KRAS: variants seen among roughly 807,000 people sequenced by gnomAD.
KRAS encodes GTPase KRas.
In KRAS, 1 loss-of-function variant was observed where a neutral mutation model predicts 21.0. The observed-to-expected ratio is 0.05, with a 90% CI of 0.02 to 0.23. KRAS has a LOEUF of 0.23. Ranked by LOEUF, KRAS falls within the 10% of genes least tolerant of loss-of-function variation. The pLI, the probability that KRAS is intolerant of heterozygous loss-of-function variation, is 1.00. For missense variants in KRAS, 107 were observed against 221.8 expected, an observed-to-expected ratio of 0.48 and a Z score of 3.29; for synonymous variants, 67 against 72.5, an observed-to-expected ratio of 0.92 and a Z score of 0.39.
intron 4 of KRAS, among the ~76,000 whole-genome samples, chr12:25,212,992 G>A (rs1356775649): frequency 1.3e-5 from 2 of 152,014 alleles, no homozygotes; most frequent in Non-Finnish European, 2.9e-5. Flanking sequence ...TCAAACTCCT[G>A]GGGTCAGGCA....
chr12:25,249,591 C>CAAAAAAAAAAAAA (rs71065929), intron 1 of KRAS, among the ~76,000 whole-genome samples: 32,248 of 60,206 alleles, frequency 0.54, 13,034 homozygotes, highest in East Asian at 0.91. Context: ...GACTGTGTCT[C>CAAAAAAAAAAAAA]AAAAAAAAAA....
rs1475947635 is a variant in KRAS at position 25,205,278 on chromosome 12, A to C, written c.*4517T>G. On this transcript the variant is annotated 3_prime_UTR_variant, in exon 5 of 5. Transcript: ENST00000311936. ...TAACTATTTTTATTACATTACAATA[A>C]TTAGGAGTAGTACAGTTCATGACAA... 2 of 215,034 alleles carry C rather than the reference A, an allele frequency of 9.3e-6. No individual in the cohort carries two copies. Among genetic ancestry groups the C allele is most frequent in the Non-Finnish European group, 1.9e-5 (2 of 106,460 alleles). 13.3% of individuals were successfully genotyped at this position (215,034 alleles called of 1,614,324 possible). A position where few individuals can be genotyped will look rare whatever the true frequency, so the allele number is the denominator to read the frequency against.
chr12:25,226,701 A>ATTG (rs1472956257), intron 3 of KRAS, among the ~76,000 whole-genome samples: 5 of 152,220 alleles, frequency 3.3e-5, no homozygotes, highest in African/African-American at 1.2e-4. Flanking sequence ...AATATAAAAT[A>ATTG]GTATAATAAT....
chr12:25,239,769 A>G (rs1592818863), intron 2 of KRAS, among the ~76,000 whole-genome samples: 4 of 152,252 alleles, frequency 2.6e-5, no homozygotes, highest in Admixed American at 2.6e-4. Flanking sequence ...CCTGGCCAAC[A>G]TGGTGAAACC....
intron 1 of KRAS, among the ~76,000 whole-genome samples, chr12:25,245,842 C>T (rs1951672357): frequency 6.6e-6 from 1 of 152,096 alleles, no homozygotes; most frequent in African/African-American, 2.4e-5. Flanking sequence ...CCTAGTGGAC[C>T]CCCACCTCTA....
Position 25,207,619 on chromosome 12 carries a change from G to A in KRAS, c.*2176C>T. ...ATTACTGTTACCAGGAGTAGTCCTA[G>A]TTATAGATTACCTAAGGAATTCTTT... On this transcript the variant is annotated 3_prime_UTR_variant, in exon 5 of 5. Coordinates refer to ENST00000311936, the MANE Select transcript of KRAS (RefSeq NM_004985.5). The A allele has an allele frequency of 4.3e-6, 1 of 231,096 alleles. No homozygotes were observed. Among genetic ancestry groups the A allele is most frequent in the East Asian group, 6.2e-5 (1 of 16,224 alleles). 14.3% of individuals were successfully genotyped at this position (231,096 alleles called of 1,614,324 possible).
At position 25,250,908 on chromosome 12, in the gene KRAS, C is replaced by G. The variant is rs965647156; in HGVS notation, c.-169G>C. On this transcript the variant is annotated 5_prime_UTR_variant, in exon 1 of 5. Coordinates refer to ENST00000311936, the MANE Select transcript of KRAS (RefSeq NM_004985.5). ...CCACTGCCGCCGCCGCTGCTGCCTC[C>G]GCCGCCGCGGCCGCCGCCTAGGAAA... The G allele has an allele frequency of 4.0e-6, 1 of 251,066 alleles. No individual in the cohort carries two copies. Among genetic ancestry groups the G allele is most frequent in the Non-Finnish European group, 7.5e-6 (1 of 133,416 alleles). The allele number at this position is 251,066 out of a possible 1,614,324, so 15.6% of individuals were successfully genotyped here.
chr12:25,236,072 G>C (rs994605649), intron 2 of KRAS, among the ~76,000 whole-genome samples: 12 of 152,048 alleles, frequency 7.9e-5, no homozygotes, highest in African/African-American at 2.9e-4. Flanking sequence ...CCAGTCCGCA[G>C]TCCAGGGTTT....
chr12:25,235,569 A>G (rs1220431347), intron 2 of KRAS, among the ~76,000 whole-genome samples: 1 of 152,170 alleles, frequency 6.6e-6, no homozygotes, highest in Admixed American at 6.5e-5. Flanking sequence ...AACGTAAATA[A>G]ATAATTAAAA....
At position 25,208,177 on chromosome 12, in the gene KRAS, AAACT is replaced by A. The variant is rs1951161155; in HGVS notation, c.*1614_*1617del. Reference sequence around the variant, plus strand: ...TAAATTACATAGTTGTAAAAAAAAAAAACTAAGAGTTTGAGATGACTTCTTTTAA... The same window carrying A: ...TAAATTACATAGTTGTAAAAAAAAAAAAGAGTTTGAGATGACTTCTTTTAA... On this transcript the variant is annotated 3_prime_UTR_variant, in exon 5 of 5. Coordinates refer to ENST00000311936, the MANE Select transcript of KRAS (RefSeq NM_004985.5). 4.3e-6 allele frequency: 1 copy of A among 232,932 alleles called. No homozygotes were observed. The highest frequency in any genetic ancestry group is 8.5e-6 in the Non-Finnish European group (1 of 117,784). 14.4% of individuals were successfully genotyped at this position (232,932 alleles called of 1,614,324 possible). A position where few individuals can be genotyped will look rare whatever the true frequency, so the allele number is the denominator to read the frequency against.
chr12:25,207,220 G>C lies in KRAS; in HGVS notation c.*2575C>G. ...TGCCTTGTGTGGTGACTGGCATCTG[G>C]TAGGCACTCAATAAATATTTGCTGA... On this transcript the variant is annotated 3_prime_UTR_variant, in exon 5 of 5. Transcript: ENST00000311936. 4.8e-6 allele frequency: 1 copy of C among 208,098 alleles called. No individual in the cohort carries two copies. Among genetic ancestry groups the C allele is most frequent in the African/African-American group, 2.3e-5 (1 of 44,022 alleles). 12.9% of individuals were successfully genotyped at this position (208,098 alleles called of 1,614,324 possible). A position where few individuals can be genotyped will look rare whatever the true frequency, so the allele number is the denominator to read the frequency against.
intron 2 of KRAS, among the ~76,000 whole-genome samples, chr12:25,232,695 C>A (rs1258993158): frequency 1.3e-5 from 2 of 152,152 alleles, no homozygotes; most frequent in South Asian, 4.1e-4. Flanking sequence ...AACTAACTCA[C>A]AATAAAATAT....
At chr12:25,241,300 A>C (rs1341101453) in intron 2 of KRAS, among the ~76,000 whole-genome samples, 1 of 152,196 alleles carries the variant, frequency 6.6e-6, no homozygotes, top group Admixed American at 6.5e-5. Flanking sequence ...GCCACCCATA[A>C]TTTAAACAGC....
At chr12:25,231,564 G>A (rs1456738197) in intron 2 of KRAS, among the ~76,000 whole-genome samples, 3 of 151,874 alleles carry the variant, frequency 2.0e-5, no homozygotes, top group South Asian at 2.1e-4. Context: ...ACACCAGTGC[G>A]ACCGAGAAAC....
intron 2 of KRAS, among the ~76,000 whole-genome samples, chr12:25,241,139 G>A (rs1047442291): frequency 3.3e-5 from 5 of 151,996 alleles, no homozygotes; most frequent in Admixed American, 1.3e-4. Context: ...ATACTGCCTC[G>A]TTTCCTTTCT....
In KRAS at chr12:25,207,703, G is replaced by A. The variant is rs1951153791; in HGVS notation, c.*2092C>T. On this transcript the variant is annotated 3_prime_UTR_variant, in exon 5 of 5. Transcript: ENST00000311936. ...GATAGGGTTCTGTCTATTCATACCA[G>A]GTTTGAAAAATCCTACTGTCGCTAA... 3 of 232,308 alleles carry A rather than the reference G, an allele frequency of 1.3e-5. No homozygotes were observed. The highest frequency in any genetic ancestry group is 2.6e-5 in the Non-Finnish European group (3 of 117,508). The allele number at this position is 232,308 out of a possible 1,614,324, so 14.4% of individuals were successfully genotyped here. A position where few individuals can be genotyped will look rare whatever the true frequency, so the allele number is the denominator to read the frequency against.
At chr12:25,218,167 A>C (rs540588472) in intron 4 of KRAS, among the ~76,000 whole-genome samples, 2 of 152,226 alleles carry the variant, frequency 1.3e-5, no homozygotes, top group South Asian at 4.2e-4. Flanking sequence ...GCACACACAC[A>C]AACCAGGTAA....
intron 4 of KRAS, chr12:25,210,573 C>T (rs1351639848): frequency 2.0e-5 from 3 of 151,882 alleles, no homozygotes. Context: ...CAGGAGAATA[C>T]CACTTTAAAA....
intron 2 of KRAS, among the ~76,000 whole-genome samples, chr12:25,228,927 C>T (rs1054836892): frequency 1.3e-5 from 2 of 152,112 alleles, no homozygotes; most frequent in South Asian, 2.1e-4. Context: ...GGCGTGGTGG[C>T]GGGCGCCTGT....
Sources: allele counts gnomAD v4.1 joint callset (sites outside exome capture counted in the v4.1 genomes callset), GRCh38; gene constraint gnomAD v4.1.1; transcripts MANE v1.5; gene names NCBI Gene and HGNC (gene_info 2026-07-23, HGNC 2026-07-21).